ENTPD5: variants seen among roughly 807,000 people sequenced by gnomAD.
ENTPD5 encodes the protein ectonucleoside triphosphate diphosphohydrolase 5 (inactive).
A neutral mutation model predicts 60.2 loss-of-function variants in ENTPD5; 49 were observed. That is an observed-to-expected ratio of 0.81 (90% CI 0.65 to 1.03). The LOEUF (loss-of-function observed/expected upper bound fraction) is 1.03, where lower values mean the gene tolerates loss of function less well. ENTPD5 is among the 50% of genes least tolerant of loss of function. The pLI is 0.00. For missense variants in ENTPD5, 480 were observed against 507.6 expected (o/e 0.95, Z 0.52); for synonymous variants, 187 against 185.4 (o/e 1.01, Z -0.07).
At chr14:73,967,799 CAAAAAAAAAAA>C (rs33926682) in intron 15 of ENTPD5, among the ~76,000 whole-genome samples, 1 of 97,842 alleles carries the variant, frequency 1.0e-5, no homozygotes, top group African/African-American at 4.1e-5. Context: ...GACCCTGTCT[CAAAAAAAAAAA>C]AAAAAAAGAA....
intron 10 of ENTPD5, 119 bp downstream of exon 10, chr14:73,975,817 G>T: frequency 1.2e-6 from 1 of 817,690 alleles, no homozygotes; most frequent in Non-Finnish European, 1.9e-6. Context: ...ATAGGCCTTA[G>T]GGAATTGGCA....
chr14:73,997,741 C>T (rs758074962), intron 3 of ENTPD5, among the ~76,000 whole-genome samples: 2 of 152,126 alleles, frequency 1.3e-5, no homozygotes, highest in Non-Finnish European at 2.9e-5. Context: ...ACACACCTTG[C>T]TATCTGAAGG....
At chr14:73,967,041 C>T in intron 15 of ENTPD5, 27 bp from the exon 16 acceptor site, 4 of 1,591,924 alleles carry the variant, frequency 2.5e-6, no homozygotes, top group Non-Finnish European at 2.6e-6. Flanking sequence ...AAGTCTTCAC[C>T]TTTTCATCCA....
intron 14 of ENTPD5, 23 bp from the exon 15 acceptor site, chr14:73,970,148 G>C (rs751319689): frequency 1.6e-5 from 25 of 1,558,174 alleles, no homozygotes; most frequent in Admixed American, 3.3e-5. Context: ...GTAAACAGTG[G>C]AGCTCAAGTT....
intron 3 of ENTPD5, among the ~76,000 whole-genome samples, chr14:74,000,487 T>C (rs1239356963): frequency 6.8e-6 from 1 of 147,112 alleles, no homozygotes; most frequent in Non-Finnish European, 1.5e-5. Context: ...TATAAGCATA[T>C]ATAAAAGAAA....
intron 3 of ENTPD5, among the ~76,000 whole-genome samples, chr14:74,001,813 A>T (rs1022797698): frequency 1.3e-5 from 2 of 151,810 alleles, no homozygotes; most frequent in Non-Finnish European, 2.9e-5. Flanking sequence ...GCACGGCACC[A>T]CTGTACTCCA....
At chr14:73,997,564 G>A (rs567523943) in intron 3 of ENTPD5, among the ~76,000 whole-genome samples, 1 of 152,260 alleles carries the variant, frequency 6.6e-6, no homozygotes, top group South Asian at 2.1e-4. Flanking sequence ...TTTTTAAACA[G>A]TAAGCTGAAC....
chr14:74,003,481 G>C, intron 3 of ENTPD5: 2 of 1,428,428 alleles, frequency 1.4e-6, no homozygotes, highest in South Asian at 2.4e-5. Context: ...TAAACCGCTA[G>C]CTTGTTGCAC....
At chr14:73,957,973 C>T, downstream of ENTPD5, 1 of 643,684 alleles carries the variant, frequency 1.6e-6, no homozygotes, top group Non-Finnish European at 2.8e-6. Flanking sequence ...TGAGTTATCT[C>T]TGTGGCTTCT....
At chr14:73,972,261 C>A (rs1053783099) in intron 13 of ENTPD5, among the ~76,000 whole-genome samples, 2 of 152,056 alleles carry the variant, frequency 1.3e-5, no homozygotes, top group African/African-American at 4.8e-5. Flanking sequence ...GTAATCCCAG[C>A]TACTCAGGAG....
chr14:74,016,676 T>C (rs998823908), intron 1 of ENTPD5, among the ~76,000 whole-genome samples: 25 of 152,132 alleles, frequency 1.6e-4, no homozygotes, highest in African/African-American at 6.0e-4. Flanking sequence ...AAAGAAACTA[T>C]AAAGTACTAT....
chr14:73,976,430 GC>G lies in ENTPD5; in HGVS notation c.554-19del. The G allele has an allele frequency of 6.2e-7, 1 of 1,604,254 alleles. No individual in the cohort carries two copies. Among genetic ancestry groups the G allele is most frequent in the Non-Finnish European group, 8.5e-7 (1 of 1,171,094 alleles). On this transcript the variant is annotated intron_variant, in intron 8 of 15. Transcript: ENST00000334696. Reference sequence around the variant, plus strand: ...CAGCTGACCTGTCAAATGAGAGCCAGCTCTAAATAGCCTCGACATCCTGGGC... The same window carrying G: ...CAGCTGACCTGTCAAATGAGAGCCAGTCTAAATAGCCTCGACATCCTGGGC...
At chr14:73,976,111 T>G in intron 9 of ENTPD5, 96 bp from the exon 10 acceptor site, 1 of 1,064,042 alleles carries the variant, frequency 9.4e-7, no homozygotes, top group South Asian at 1.3e-5. Flanking sequence ...AAATCAGAGA[T>G]GAAGACAGAT....
rs1347177102 is a variant in ENTPD5 at position 73,991,268 on chromosome 14, G to A, written c.-70-3096C>T. Among the ~76,000 whole-genome samples the A allele has an allele frequency of 3.3e-5, 5 of 152,146 alleles. No individual in the cohort carries two copies. The East Asian group carries it at 7.8e-4, about 24-fold the overall frequency. On this transcript the variant is annotated intron_variant, in intron 3 of 15. Coordinates refer to ENST00000334696, the MANE Select transcript of ENTPD5 (RefSeq NM_001249.5). ...TAAAGGAAAACTGGAGTTCCTCAAG[G>A]TCAGGGTTTCTTAATCTTAGCACTG...
In ENTPD5 at chr14:73,977,044, A is replaced by T. The variant is rs1594864426; in HGVS notation, c.533T>A (p.Val178Asp). ...DGSDEGILAW[V>D]TVNFLTGQLH... ...ATTACCTGTCAGAAAATTCACAGTA[A>T]CCCAAGCTAATATGCCTAAAAAGAA... The change falls in exon 8 of 16, where the codon GTT (valine) becomes GAT (aspartate). Residue 178 changes from valine (V) to aspartate (D), a missense_variant. Physicochemically the swap from Val to Asp is radical, Grantham distance 152. Transcript: ENST00000334696. 1 of 1,613,656 alleles carries T rather than the reference A, an allele frequency of 6.2e-7. No individual in the cohort carries two copies. The highest frequency in any genetic ancestry group is 8.5e-7 in the Non-Finnish European group (1 of 1,179,724).
chr14:73,963,296 A>C lies in ENTPD5; in HGVS notation c.*3632T>G. On this transcript the variant is annotated 3_prime_UTR_variant, in exon 16 of 16. Coordinates refer to ENST00000334696, the MANE Select transcript of ENTPD5 (RefSeq NM_001249.5). ...GTGCTGTCTCACTCATTTCCAGTTA[A>C]TCATTTCTAAAGAGAAAATTTACAT... 1 of 487,028 alleles carries C rather than the reference A, an allele frequency of 2.1e-6. No individual in the cohort carries two copies. 30.2% of individuals were successfully genotyped at this position (487,028 alleles called of 1,614,324 possible). A position where few individuals can be genotyped will look rare whatever the true frequency, so the allele number is the denominator to read the frequency against.
At chr14:73,992,552 C>T (rs555012547) in intron 3 of ENTPD5, among the ~76,000 whole-genome samples, 8 of 151,696 alleles carry the variant, frequency 5.3e-5, no homozygotes, top group Non-Finnish European at 8.8e-5. Flanking sequence ...GGCGTGGTGG[C>T]GCATGCCTGT....
At chr14:73,955,659 A>G (rs2056398632), downstream of ENTPD5, 2 of 1,399,104 alleles carry the variant, frequency 1.4e-6, no homozygotes, top group Non-Finnish European at 2.0e-6. Flanking sequence ...TTCCCAGGAG[A>G]ATTTTCTTCT....
chr14:73,961,650 G>A (rs1414713440), downstream of ENTPD5: 6 of 1,601,982 alleles, frequency 3.7e-6, no homozygotes, highest in Admixed American at 3.3e-5. Context: ...GCAAGAGGGA[G>A]TGGACATAAA....
Sources: allele counts gnomAD v4.1 joint callset (sites outside exome capture counted in the v4.1 genomes callset), GRCh38; gene constraint gnomAD v4.1.1; transcripts MANE v1.5; gene names NCBI Gene and HGNC (gene_info 2026-07-23, HGNC 2026-07-21).